The following BACH2 variants were observed in gnomAD, a reference collection of about 807,000 sequenced individuals.
BACH2 encodes BACH transcriptional regulator 2.
BACH2 carries 5 observed loss-of-function variants against 61.8 expected under a neutral mutation model. The ratio of observed to expected loss-of-function variants is 0.08; its 90% CI spans 0.04 to 0.17. The LOEUF is 0.17. Ranked by LOEUF, BACH2 falls within the 10% of genes least tolerant of loss-of-function variation. The probability of loss-of-function intolerance (pLI) is 1.00; values close to 1 mark genes in which losing one functional copy is unlikely to be tolerated. For synonymous variants in BACH2, 446 were observed against 440.1 expected (o/e 1.01, Z -0.17); for missense variants, 824 against 1,091.1 (o/e 0.76, Z 3.45).
chr6:90,015,543 G>A (rs1057400673), intron 5 of BACH2, among the ~76,000 whole-genome samples: 4 of 152,006 alleles, frequency 2.6e-5, no homozygotes, highest in East Asian at 1.9e-4. Flanking sequence ...ATTTACACAC[G>A]TGTTTTTTGG....
intron 1 of BACH2, among the ~76,000 whole-genome samples, chr6:90,290,779 CA>C (rs1200059027): frequency 6.6e-6 from 1 of 152,112 alleles, no homozygotes; most frequent in Admixed American, 6.5e-5. Context: ...CAGAAAGTGA[CA>C]GGGGAGGGAG....
At chr6:90,227,236 G>T (rs944682490) in intron 3 of BACH2, among the ~76,000 whole-genome samples, 36 of 152,290 alleles carry the variant, frequency 2.4e-4, no homozygotes, top group Admixed American at 2.0e-3. Flanking sequence ...CACATAAAGT[G>T]TTTGCAACTA....
chr6:90,116,195 A>G lies in BACH2; in HGVS notation c.-161-27086T>C, dbSNP rs140315438. 2.8e-4 allele frequency among the ~76,000 whole-genome samples: 43 copies of G among 152,336 alleles called. 1 individual carries two copies. Among genetic ancestry groups the G allele is most frequent in the African/African-American group, 9.9e-4 (41 of 41,576 alleles). On this transcript the variant is annotated intron_variant, in intron 4 of 8. Coordinates refer to ENST00000257749, the MANE Select transcript of BACH2 (RefSeq NM_021813.4). ...CTCCCATAAAGACACACGCATGCAA[A>G]TGTTCACTGCAGCACTGTTCACAAT... is the stretch of plus-strand genomic sequence containing the variant.
chr6:90,066,330 A>C (rs566013560), intron 5 of BACH2, among the ~76,000 whole-genome samples: 1 of 152,268 alleles, frequency 6.6e-6, no homozygotes, highest in East Asian at 1.9e-4. Flanking sequence ...GGTAAGTAGA[A>C]GCTATAGCTG....
intron 2 of BACH2, among the ~76,000 whole-genome samples, chr6:90,258,382 GATTT>G (rs746519170): frequency 4.6e-4 from 70 of 151,938 alleles, no homozygotes; most frequent in Non-Finnish European, 7.9e-4. Context: ...TATATACGTG[GATTT>G]ATTTCTGGAC....
chr6:90,038,581 C>T (rs1417110362), intron 5 of BACH2, among the ~76,000 whole-genome samples: 14 of 152,056 alleles, frequency 9.2e-5, no homozygotes. Context: ...ATGGTAAATA[C>T]TGAAATTCTC....
In BACH2 at chr6:90,038,974, A is replaced by T. The variant is rs1003129222; in HGVS notation, c.-12-30118T>A. ...AGAATCACTTGAACCCAGGAGGGAG[A>T]GGTTGCAGTGAGCTGAGATTGCACC... On this transcript the variant is annotated intron_variant, in intron 5 of 8. Transcript: ENST00000257749. Among the ~76,000 whole-genome samples, 3 of 150,770 alleles carry T rather than the reference A, an allele frequency of 2.0e-5. No homozygotes were observed. The Admixed American group carries it at 2.0e-4, about 10-fold the overall frequency.
intron 4 of BACH2, among the ~76,000 whole-genome samples, chr6:90,181,617 G>C (rs1255687259): frequency 6.6e-6 from 1 of 151,918 alleles, no homozygotes; most frequent in Non-Finnish European, 1.5e-5. Flanking sequence ...CTGAACTACA[G>C]TGCAGTGAAC....
intron 4 of BACH2, among the ~76,000 whole-genome samples, chr6:90,182,927 A>T (rs1233618255): frequency 6.6e-6 from 1 of 152,216 alleles, no homozygotes; most frequent in Non-Finnish European, 1.5e-5. Flanking sequence ...CAGGGGGCGC[A>T]TGTGCAGGTT....
chr6:90,158,897 GA>G (rs1785089542), intron 4 of BACH2, among the ~76,000 whole-genome samples: 1 of 152,140 alleles, frequency 6.6e-6, no homozygotes, highest in Admixed American at 6.5e-5. Flanking sequence ...TCATGGGGCT[GA>G]AAAATATCAT....
At chr6:90,203,418 AG>A (rs1769026178) in intron 4 of BACH2, among the ~76,000 whole-genome samples, 1 of 131,104 alleles carries the variant, frequency 7.6e-6, no homozygotes, top group African/African-American at 2.9e-5. Flanking sequence ...AAAAAAAAAG[AG>A]TTAAATTCTA....
At chr6:90,253,384 T>C (rs147762062) in intron 2 of BACH2, among the ~76,000 whole-genome samples, 177 of 152,318 alleles carry the variant, frequency 1.2e-3, no homozygotes, top group Middle Eastern at 6.8e-3. Flanking sequence ...GAACTGGGCA[T>C]AGATAACTTT....
intron 5 of BACH2, among the ~76,000 whole-genome samples, chr6:90,019,475 G>A (rs1778261480): frequency 6.6e-6 from 1 of 152,130 alleles, no homozygotes; most frequent in Admixed American, 6.5e-5. Flanking sequence ...AACTGTTTAG[G>A]GGCCTGCTTC....
At chr6:90,212,884 T>C (rs1400027534) in intron 3 of BACH2, among the ~76,000 whole-genome samples, 3 of 152,130 alleles carry the variant, frequency 2.0e-5, no homozygotes, top group Non-Finnish European at 4.4e-5. Context: ...AGAGGGTCCA[T>C]CACTTTCATA....
chr6:89,958,218 C>A (rs1774531237), intron 6 of BACH2, among the ~76,000 whole-genome samples: 1 of 152,168 alleles, frequency 6.6e-6, no homozygotes, highest in Admixed American at 6.5e-5. Context: ...TGGGCTCAAG[C>A]CATTTTCCTG....
At chr6:90,135,669 A>C (rs1284888108) in intron 4 of BACH2, among the ~76,000 whole-genome samples, 4 of 152,164 alleles carry the variant, frequency 2.6e-5, no homozygotes, top group African/African-American at 9.7e-5. Flanking sequence ...AGCTGTGATC[A>C]TGCCACTGCA....
At chr6:90,060,405 T>C (rs1236120171) in intron 5 of BACH2, among the ~76,000 whole-genome samples, 1 of 152,164 alleles carries the variant, frequency 6.6e-6, no homozygotes, top group Non-Finnish European at 1.5e-5. Context: ...GTTCATTAAT[T>C]AGTCCATTAC....
intron 6 of BACH2, among the ~76,000 whole-genome samples, chr6:89,962,543 G>T (rs1306456440): frequency 6.6e-6 from 1 of 152,104 alleles, no homozygotes; most frequent in Admixed American, 6.5e-5. Flanking sequence ...TGTTCCCATA[G>T]TTGTTCGTGT....
intron 2 of BACH2, among the ~76,000 whole-genome samples, chr6:90,270,125 C>T (rs1336910311): frequency 1.3e-5 from 2 of 152,158 alleles, no homozygotes; most frequent in African/African-American, 4.8e-5. Flanking sequence ...TTTATCCACT[C>T]ATTGGTTGAT....
Sources: gnomAD v4.1 joint callset for allele counts (sites outside exome capture counted in the v4.1 genomes callset) on GRCh38, gnomAD v4.1.1 for gene constraint, MANE v1.5 for transcripts, NCBI Gene and HGNC (gene_info 2026-07-23, HGNC 2026-07-21) for gene names.